HTT: variants seen among roughly 807,000 people sequenced by gnomAD.
HTT encodes the protein huntington disease protein.
HTT carries 104 observed loss-of-function variants against 362.3 expected under a neutral mutation model. The observed-to-expected ratio is 0.29, with a 90% CI of 0.24 to 0.34. The LOEUF (loss-of-function observed/expected upper bound fraction) is 0.34. Among genes scored for constraint, HTT ranks in the 10% least tolerant of loss-of-function variants. The pLI, the probability that HTT is intolerant of heterozygous loss-of-function variation, is 1.00. For missense variants in HTT, 3,301 were observed against 3,928.6 expected, an observed-to-expected ratio of 0.84 and a Z score of 4.27; for synonymous variants, 1,577 against 1,548.7, an observed-to-expected ratio of 1.02 and a Z score of -0.43.
At position 3,107,286 on chromosome 4, in the gene HTT, C is replaced by A. The variant is rs1182308681; in HGVS notation, c.610C>A (p.Pro204Thr). 6.2e-7 allele frequency: 1 copy of A among 1,614,048 alleles called. No homozygotes were observed. The highest frequency in any genetic ancestry group is 1.1e-5 in the South Asian group (1 of 91,060). The change falls in exon 6 of 67, where the codon CCT (proline) becomes ACT (threonine). Residue 204 changes from proline to threonine, a missense_variant and splice_region_variant. Transcript: ENST00000355072. ...AHLVRPQKCR[P>T]YLVNLLPCLT... ...ACTTGCGTTCTTTTGCATACACAGG[C>A]CTTACCTGGTGAACCTTCTGCCGTG...
intron 64 of HTT, among the ~76,000 whole-genome samples, chr4:3,237,114 C>T (rs1430582706): frequency 6.6e-6 from 1 of 151,984 alleles, no homozygotes; most frequent in African/African-American, 2.4e-5. Flanking sequence ...TCCCTTGTCA[C>T]CCAGGCTGGA....
At chr4:3,185,200 T>A (rs1022825282) in intron 37 of HTT, among the ~76,000 whole-genome samples, 2 of 152,156 alleles carry the variant, frequency 1.3e-5, no homozygotes, top group Non-Finnish European at 2.9e-5. Flanking sequence ...AATGAAGGCC[T>A]GTTTACGCAC....
rs548526498 is a variant in HTT, at chr4:3,116,888, A to C, written c.1068+625A>C. Among the ~76,000 whole-genome samples, 5 of 152,254 alleles carry C rather than the reference A, an allele frequency of 3.3e-5. No individual in the cohort carries two copies. The South Asian group carries it at 6.2e-4, about 19-fold the overall frequency. On this transcript the variant is annotated intron_variant, in intron 8 of 66. Transcript: ENST00000355072. ...ATGCAGCCTCATTTTAAGCAATTGG[A>C]TTTTTTGAACTTTACTTAAAATGTT...
intron 10 of HTT, 36 bp downstream of exon 10, chr4:3,122,972 C>T (rs766663309): frequency 2.6e-6 from 4 of 1,540,266 alleles, no homozygotes; most frequent in Admixed American, 1.7e-5. Context: ...TGTGTTGAAT[C>T]TTACTGATTT....
chr4:3,162,194 G>C (rs1409536356), intron 29 of HTT, among the ~76,000 whole-genome samples: 1 of 152,172 alleles, frequency 6.6e-6, no homozygotes, highest in Non-Finnish European at 1.5e-5. Context: ...TTTCCCCATT[G>C]CTTATGTGTG....
chr4:3,181,603 G>A (rs750665619), intron 36 of HTT, among the ~76,000 whole-genome samples: 1 of 151,982 alleles, frequency 6.6e-6, no homozygotes, highest in African/African-American at 2.4e-5. Flanking sequence ...TCTTCATAAA[G>A]CCATAGCTTT....
Position 3,157,174 on chromosome 4 carries a change from T to TG in HTT, c.3729dup (p.Lys1244GlufsTer6). The TG allele has an allele frequency of 6.2e-7, 1 of 1,613,842 alleles. No individual in the cohort carries two copies. Among genetic ancestry groups the TG allele is most frequent in the Non-Finnish European group, 8.5e-7 (1 of 1,179,842 alleles). Reference sequence around the variant, plus strand: ...TCATACCTCAAACTGCATGATGTCCTGAAAGCTACACACGCTAACTACAAG... The same window carrying TG: ...TCATACCTCAAACTGCATGATGTCCTGGAAAGCTACACACGCTAACTACAAG... On this transcript the variant is annotated frameshift_variant, in exon 28 of 67. Transcript: ENST00000355072. LOFTEE classifies it high-confidence loss of function.
Position 3,142,809 on chromosome 4 carries a change from A to G in HTT, c.2989A>G (p.Thr997Ala), listed in dbSNP as rs1326280154. The G allele has an allele frequency of 1.0e-5, 16 of 1,588,178 alleles. No individual in the cohort carries two copies. The highest frequency in any genetic ancestry group is 1.4e-5 in the Non-Finnish European group (16 of 1,156,676). The stretch of plus-strand genomic sequence containing the variant: ...CCTACTACCAAGCATAACAGACGTC[A>G]CTATGGAAAATAACCTTTCAAGAGT... ...YNLLPSITDV[T>A]MENNLSRVIA... is the part of the protein sequence containing the mutation. The change falls in exon 23 of 67, where the codon ACT (threonine) becomes GCT (alanine). Residue 997 changes from threonine (T) to alanine (A), a missense_variant. Physicochemically the swap from Thr to Ala is moderately conservative, Grantham distance 58. Around this residue, in one of 4 missense-constraint regions of HTT, gnomAD observed 2,316 missense variants for 2,658.5 expected, o/e 0.87. Transcript: ENST00000355072.
chr4:3,168,378 G>A (rs141059319), intron 29 of HTT, among the ~76,000 whole-genome samples: 126 of 152,344 alleles, frequency 8.3e-4, no homozygotes, highest in African/African-American at 2.7e-3. Flanking sequence ...CGACGGGTAT[G>A]AGCAGGTTTT....
intron 34 of HTT, 21 bp from the exon 35 acceptor site, chr4:3,178,277 A>C (rs1450380789): frequency 6.4e-7 from 1 of 1,564,362 alleles, no homozygotes; most frequent in South Asian, 1.1e-5. Context: ...GAAAGGTCTA[A>C]ATGGATGTTT....
chr4:3,092,188 A>G (rs1713546788), intron 2 of HTT, among the ~76,000 whole-genome samples: 1 of 151,642 alleles, frequency 6.6e-6, no homozygotes, highest in African/African-American at 2.4e-5. Context: ...GCACCCGGCT[A>G]ATTTTTTGTA....
chr4:3,207,286 C>G lies in HTT; in HGVS notation c.6081C>G (p.Ser2027Arg), dbSNP rs1367045017. 6.2e-7 allele frequency: 1 copy of G among 1,613,680 alleles called. No homozygotes were observed. Among genetic ancestry groups the G allele is most frequent in the Admixed American group, 1.7e-5 (1 of 59,974 alleles). Residue 2027 changes from serine to arginine, a missense_variant, in exon 45 of 67, where the codon AGC becomes AGG. Physicochemically the swap from Ser to Arg is moderately radical, Grantham distance 110. This residue lies in a region of HTT where 2,316 missense variants were observed against 2,658.5 expected (regional missense o/e 0.87). Transcript: ENST00000355072. Reference sequence around the variant, plus strand: ...AATGTGTTTTTGTCTATTAGAGCAGCATGGCCCAGTTGCCAATGGAAGAAC... The same window carrying G: ...AATGTGTTTTTGTCTATTAGAGCAGGATGGCCCAGTTGCCAATGGAAGAAC... ...EMLLAANLQSSMAQLPMEELN... is the reference protein window; with the variant it reads ...EMLLAANLQSRMAQLPMEELN...
intron 24 of HTT, among the ~76,000 whole-genome samples, chr4:3,145,891 ATACAGACTGAGCAGCTACG>A (rs1287917027): frequency 6.6e-6 from 1 of 152,230 alleles, no homozygotes; most frequent in African/African-American, 2.4e-5. Context: ...CCTTCCTCAC[ATACAGACTGAGCAGCTACG>A]GTTTCTAATC....
chr4:3,213,348 C>T (rs1187555884), intron 49 of HTT, among the ~76,000 whole-genome samples: 2 of 152,264 alleles, frequency 1.3e-5, no homozygotes, highest in African/African-American at 4.8e-5. Context: ...GTGGGAAAGT[C>T]AGCGTGTGAT....
chr4:3,237,293 C>G (rs1468917119), intron 64 of HTT, among the ~76,000 whole-genome samples: 1 of 152,172 alleles, frequency 6.6e-6, no homozygotes, highest in East Asian at 1.9e-4. Context: ...GGGCTGGTCT[C>G]GAACTCCTGA....
chr4:3,091,496 A>G (rs1445910008), intron 2 of HTT, among the ~76,000 whole-genome samples: 2 of 152,250 alleles, frequency 1.3e-5, no homozygotes, highest in Non-Finnish European at 2.9e-5. Context: ...CACCTTCAAC[A>G]AAATTGAAAG....
intron 8 of HTT, among the ~76,000 whole-genome samples, chr4:3,120,560 C>T (rs542995325): frequency 5.9e-5 from 9 of 152,324 alleles, no homozygotes; most frequent in Admixed American, 2.6e-4. Context: ...GCATTCCCAC[C>T]TGAGCACCGC....
intron 60 of HTT, among the ~76,000 whole-genome samples, chr4:3,230,475 TC>T (rs1276359328): frequency 6.6e-6 from 1 of 152,222 alleles, no homozygotes; most frequent in East Asian, 1.9e-4. Flanking sequence ...ACAGCTTCTC[TC>T]CTGGGGGCCG....
intron 41 of HTT, among the ~76,000 whole-genome samples, chr4:3,202,116 C>T (rs533893355): frequency 2.0e-5 from 3 of 152,290 alleles, no homozygotes; most frequent in African/African-American, 4.8e-5. Context: ...ATCTGTCTTA[C>T]CTCTTGGTGA....
Sources: allele counts gnomAD v4.1 joint callset (sites outside exome capture counted in the v4.1 genomes callset), GRCh38; gene constraint gnomAD v4.1.1; regional missense constraint gnomAD v4.1.1; transcripts MANE v1.5; gene names NCBI Gene and HGNC (gene_info 2026-07-23, HGNC 2026-07-21).